MARCHF1: variants seen among roughly 807,000 people sequenced by gnomAD.
The protein encoded by MARCHF1 is E3 ubiquitin-protein ligase MARCHF1.
Under a neutral mutation model 54.2 loss-of-function variants are expected in MARCHF1, and 40 were observed. That is an observed-to-expected ratio of 0.74 (90% CI 0.57 to 0.96). MARCHF1 has a LOEUF of 0.96. Ranked by LOEUF, MARCHF1 falls within the 40% of genes least tolerant of loss-of-function variation. The pLI, the probability that MARCHF1 is intolerant of heterozygous loss-of-function variation, is 0.00. For missense variants in MARCHF1, 586 were observed against 656.5 expected, an observed-to-expected ratio of 0.89 and a Z score of 1.17; for synonymous variants, 236 against 236.3, an observed-to-expected ratio of 1.00 and a Z score of 0.01.
At position 163,525,339 on chromosome 4, in the gene MARCHF1, C is replaced by T. The variant is rs1738063800; in HGVS notation, c.*3409G>A. ...AAACCATGAGGTCGTCTGTCTGGGA[C>T]TATAATCACGTGTAGAAGCAGCGCA... On this transcript the variant is annotated 3_prime_UTR_variant, in exon 10 of 10. Coordinates refer to ENST00000514618, the MANE Select transcript of MARCHF1 (RefSeq NM_001394959.1). 6.6e-6 allele frequency: 1 copy of T among 152,098 alleles called. No individual in the cohort carries two copies. The highest frequency in any genetic ancestry group is 1.5e-5 in the Non-Finnish European group (1 of 68,012). 9.4% of individuals were successfully genotyped at this position (152,098 alleles called of 1,614,324 possible). A position where few individuals can be genotyped will look rare whatever the true frequency, so the allele number is the denominator to read the frequency against.
At chr4:164,321,251 T>G (rs2110762558) in intron 1 of MARCHF1, among the ~76,000 whole-genome samples, 1 of 152,166 alleles carries the variant, frequency 6.6e-6, no homozygotes, top group South Asian at 2.1e-4. Context: ...CAATTACAAG[T>G]CCAACACAAA....
At chr4:163,808,575 A>G (rs978998851) in intron 4 of MARCHF1, among the ~76,000 whole-genome samples, 122 of 152,086 alleles carry the variant, frequency 8.0e-4, no homozygotes, top group African/African-American at 2.9e-3. Context: ...TTTTATTTTT[A>G]TTTTATTTTT....
chr4:164,066,278 T>C (rs1378641756), intron 2 of MARCHF1, among the ~76,000 whole-genome samples: 1 of 152,100 alleles, frequency 6.6e-6, no homozygotes, highest in Non-Finnish European at 1.5e-5. Context: ...AAATTCAACA[T>C]CACTGATCAT....
rs774004712 is a variant in MARCHF1, at chr4:164,283,334, CCCT to C, written c.-323+100533_-323+100535del. On this transcript the variant is annotated intron_variant, in intron 1 of 9. Transcript: ENST00000514618. ...AGGTTCAGTATGTCATTCTTTTCCT[CCCT>C]CCTCAATATTAAACACACCTTCCCT... Among the ~76,000 whole-genome samples the C allele has an allele frequency of 2.4e-4, 36 of 150,992 alleles. 2 individuals carry two copies. Among genetic ancestry groups the C allele is most frequent in the Non-Finnish European group, 4.4e-4 (30 of 67,944 alleles).
At chr4:164,353,969 A>G (rs1486756697) in intron 1 of MARCHF1, among the ~76,000 whole-genome samples, 7 of 89,044 alleles carry the variant, frequency 7.9e-5, no homozygotes, top group Non-Finnish European at 1.6e-4. Context: ...CTACCATCAG[A>G]GAATACTACA....
chr4:163,679,988 T>A (rs1014786200), intron 5 of MARCHF1, among the ~76,000 whole-genome samples: 5 of 151,432 alleles, frequency 3.3e-5, no homozygotes, highest in African/African-American at 1.2e-4. Flanking sequence ...TGTTTTTTTT[T>A]TTTTTTTCTT....
At chr4:164,164,909 C>A (rs948106422) in intron 1 of MARCHF1, among the ~76,000 whole-genome samples, 1 of 152,022 alleles carries the variant, frequency 6.6e-6, no homozygotes, top group African/African-American at 2.4e-5. Context: ...CCTTCTCTCC[C>A]TGACCCATTC....
intron 2 of MARCHF1, among the ~76,000 whole-genome samples, chr4:164,045,679 G>T (rs1754227538): frequency 2.0e-5 from 2 of 97,990 alleles, no homozygotes; most frequent in Admixed American, 1.0e-4. Context: ...TTCTGGCTTA[G>T]TAAAAAAAAA....
At chr4:163,578,295 A>G (rs908190512) in intron 8 of MARCHF1, among the ~76,000 whole-genome samples, 9 of 152,126 alleles carry the variant, frequency 5.9e-5, no homozygotes, top group African/African-American at 2.2e-4. Flanking sequence ...ACACAAGGTG[A>G]CATTCTTACT....
intron 1 of MARCHF1, among the ~76,000 whole-genome samples, chr4:164,136,492 C>T (rs532662048): frequency 1.4e-4 from 21 of 152,224 alleles, no homozygotes; most frequent in African/African-American, 5.1e-4. Flanking sequence ...CTCTTTCTTG[C>T]CCCACCAGAA....
intron 3 of MARCHF1, among the ~76,000 whole-genome samples, chr4:163,874,459 G>A (rs999920724): frequency 1.3e-5 from 2 of 152,028 alleles, no homozygotes; most frequent in Non-Finnish European, 2.9e-5. Flanking sequence ...GTATTAGTGG[G>A]GAACAAAGTT....
chr4:164,048,508 T>C (rs1460139950), intron 2 of MARCHF1, among the ~76,000 whole-genome samples: 1 of 152,138 alleles, frequency 6.6e-6, no homozygotes, highest in East Asian at 1.9e-4. Flanking sequence ...AATGTTAATA[T>C]CACAGGTTAC....
chr4:164,273,563 A>G (rs1733796345), intron 1 of MARCHF1, among the ~76,000 whole-genome samples: 1 of 152,238 alleles, frequency 6.6e-6, no homozygotes, highest in Non-Finnish European at 1.5e-5. Context: ...GTAATAAACC[A>G]TCTACGCTAA....
intron 1 of MARCHF1, among the ~76,000 whole-genome samples, chr4:164,220,215 TATATATATACACACATAC>T (rs922754884): frequency 3.3e-5 from 4 of 121,392 alleles, no homozygotes; most frequent in East Asian, 2.8e-4. Context: ...TATATTCCTA[TATATATATACACACATAC>T]ATATATATAC....
At chr4:163,959,272 T>C (rs1259872365) in intron 3 of MARCHF1, among the ~76,000 whole-genome samples, 1 of 150,838 alleles carries the variant, frequency 6.6e-6, no homozygotes, top group Non-Finnish European at 1.5e-5. Flanking sequence ...AAAATTCATA[T>C]GGAACCAAAA....
intron 4 of MARCHF1, among the ~76,000 whole-genome samples, chr4:163,839,966 C>G (rs1749292755): frequency 6.6e-6 from 1 of 151,882 alleles, no homozygotes. Context: ...TGGATCATAC[C>G]TAGCAAGAAA....
intron 5 of MARCHF1, among the ~76,000 whole-genome samples, chr4:163,663,434 C>G (rs1486591557): frequency 6.6e-6 from 1 of 151,916 alleles, no homozygotes; most frequent in South Asian, 2.1e-4. Flanking sequence ...TTTTTCTTTT[C>G]TTTTTCCTAG....
intron 4 of MARCHF1, among the ~76,000 whole-genome samples, chr4:163,732,155 G>A (rs1745864046): frequency 6.6e-6 from 1 of 151,250 alleles, no homozygotes; most frequent in South Asian, 2.1e-4. Flanking sequence ...TATATGATTA[G>A]TTATTAATCA....
intron 1 of MARCHF1, among the ~76,000 whole-genome samples, chr4:164,370,656 C>G (rs997164675): frequency 6.6e-6 from 1 of 152,194 alleles, no homozygotes; most frequent in Non-Finnish European, 1.5e-5. Flanking sequence ...TGCCTGTAAT[C>G]CCAGCACTTT....
Sources: gnomAD v4.1 joint callset for allele counts (sites outside exome capture counted in the v4.1 genomes callset) on GRCh38, gnomAD v4.1.1 for gene constraint, MANE v1.5 for transcripts, NCBI Gene and HGNC (gene_info 2026-07-23, HGNC 2026-07-21) for gene names.